SLCO3A1: variants seen among roughly 807,000 people sequenced by gnomAD.
SLCO3A1 encodes the protein solute carrier organic anion transporter family member 3A1.
Under a neutral mutation model 63.1 loss-of-function variants are expected in SLCO3A1, and 27 were observed. The observed-to-expected ratio is 0.43, with a 90% CI of 0.32 to 0.59. The LOEUF is 0.59. Ranked by LOEUF, SLCO3A1 falls within the 20% of genes least tolerant of loss-of-function variation. The pLI, the probability that SLCO3A1 is intolerant of heterozygous loss-of-function variation, is 0.09. For synonymous variants in SLCO3A1, 473 were observed against 409.9 expected (o/e 1.15, Z -1.86); for missense variants, 773 against 945.8 (o/e 0.82, Z 2.40).
intron 2 of SLCO3A1, among the ~76,000 whole-genome samples, chr15:92,040,231 G>A (rs187851709): frequency 6.6e-6 from 1 of 152,100 alleles, no homozygotes; most frequent in Admixed American, 6.5e-5. Context: ...AAAATAAAGG[G>A]CGCATGCAAT....
intron 1 of SLCO3A1, among the ~76,000 whole-genome samples, chr15:91,891,264 C>T (rs976236634): frequency 3.3e-5 from 5 of 152,144 alleles, no homozygotes; most frequent in African/African-American, 1.2e-4. Context: ...CAGAAAGAGC[C>T]CAGCTGTCAG....
At chr15:91,901,375 A>G (rs1567177325) in intron 1 of SLCO3A1, among the ~76,000 whole-genome samples, 1 of 152,224 alleles carries the variant, frequency 6.6e-6, no homozygotes, top group Non-Finnish European at 1.5e-5. Context: ...AGTTAAGAGA[A>G]GAAGAAAAAT....
Position 92,163,642 on chromosome 15 carries a change from G to GT in SLCO3A1, c.*508dup. On this transcript the variant is annotated 3_prime_UTR_variant, in exon 10 of 10. Coordinates refer to ENST00000318445, the MANE Select transcript of SLCO3A1 (RefSeq NM_013272.4). Reference sequence around the variant, plus strand: ...TGCCACCCTCTTCCTCCAGGTGGGGGTGGGGGCGGGCGCACAAGTCGGAGG... The same window carrying GT: ...TGCCACCCTCTTCCTCCAGGTGGGGGTTGGGGGCGGGCGCACAAGTCGGAGG... 2.0e-6 allele frequency: 2 copies of GT among 985,364 alleles called. No individual in the cohort carries two copies. The highest frequency in any genetic ancestry group is 9.4e-5 in the South Asian group (2 of 21,284). The allele number at this position is 985,364 out of a possible 1,614,324, so 61.0% of individuals were successfully genotyped here.
chr15:91,909,754 G>A (rs1043866359), intron 1 of SLCO3A1, among the ~76,000 whole-genome samples: 11 of 152,180 alleles, frequency 7.2e-5, no homozygotes, highest in Admixed American at 4.6e-4. Context: ...ACTGAGCCAG[G>A]TGAGACTCTC....
rs1475869442 is a variant in SLCO3A1 at position 91,897,164 on chromosome 15, A to G, written c.181-18829A>G. 6.6e-6 allele frequency among the ~76,000 whole-genome samples: 1 copy of G among 152,220 alleles called. No homozygotes were observed. The highest frequency in any genetic ancestry group is 2.4e-5 in the African/African-American group (1 of 41,454). ...TGTCTATACAATTGTTGCTTTTAAA[A>G]TAAAGACAGGCTGGATGCGGTGGTG... On this transcript the variant is annotated intron_variant, in intron 1 of 9. Transcript: ENST00000318445. This position sits in a 1 kb window ranked among gnomAD's most constrained non-coding sequence, Gnocchi z 4.7.
intron 2 of SLCO3A1, among the ~76,000 whole-genome samples, chr15:91,986,260 G>A (rs150911604): frequency 1.3e-5 from 2 of 152,198 alleles, no homozygotes; most frequent in Non-Finnish European, 2.9e-5. Flanking sequence ...AGGGGGTAAA[G>A]AGCCTCCCTG....
chr15:92,129,276 C>A (rs941170851), intron 7 of SLCO3A1, among the ~76,000 whole-genome samples: 1 of 152,186 alleles, frequency 6.6e-6, no homozygotes, highest in African/African-American at 2.4e-5. Flanking sequence ...ATGACCCTTT[C>A]TCATGCTACT....
intron 2 of SLCO3A1, among the ~76,000 whole-genome samples, chr15:91,922,124 A>G (rs1396507584): frequency 6.6e-6 from 1 of 152,190 alleles, no homozygotes; most frequent in African/African-American, 2.4e-5. Context: ...AGTTTTAAGA[A>G]TGCAGATTGG....
chr15:92,156,722 A>G (rs1391118739), intron 9 of SLCO3A1, among the ~76,000 whole-genome samples: 3 of 152,242 alleles, frequency 2.0e-5, no homozygotes, highest in African/African-American at 4.8e-5. Context: ...GGTGCTGGAC[A>G]TAACAGTAAT....
At chr15:92,113,287 G>T (rs916534679) in intron 4 of SLCO3A1, among the ~76,000 whole-genome samples, 4 of 152,014 alleles carry the variant, frequency 2.6e-5, no homozygotes, top group African/African-American at 9.7e-5. Flanking sequence ...CACTTGCTTC[G>T]TGCTTTAAAC....
intron 1 of SLCO3A1, chr15:91,889,197 T>C: frequency 7.8e-7 from 1 of 1,280,344 alleles, no homozygotes; most frequent in Non-Finnish European, 1.0e-6. Context: ...GCATGCTCCT[T>C]AGATGAATGT....
Position 92,125,623 on chromosome 15 carries a change from C to T in SLCO3A1, c.1175-438C>T, listed in dbSNP as rs568413322. On this transcript the variant is annotated intron_variant, in intron 5 of 9. Transcript: ENST00000318445. ...CCTCCCTTCTTGCCTCATTAGAAGA[C>T]GAGGAGAAAAATCCCTAAATGATCT... is the stretch of plus-strand genomic sequence containing the variant. Among the ~76,000 whole-genome samples, 6 of 152,080 alleles carry T rather than the reference C, an allele frequency of 3.9e-5. No individual in the cohort carries two copies. In the South Asian group the frequency reaches 8.3e-4, roughly 21 times the overall value.
chr15:91,989,009 T>C (rs1456101563), intron 2 of SLCO3A1, among the ~76,000 whole-genome samples: 2 of 152,204 alleles, frequency 1.3e-5, no homozygotes, highest in African/African-American at 4.8e-5. Context: ...TGTGTCTCCT[T>C]GTGGGGATAT....
intron 2 of SLCO3A1, among the ~76,000 whole-genome samples, chr15:92,039,382 AAAG>A (rs2046768475): frequency 1.3e-5 from 2 of 152,234 alleles, no homozygotes; most frequent in South Asian, 4.1e-4. Context: ...TACAAGAAAA[AAAG>A]AACCCATCAA....
chr15:91,992,395 T>C (rs1396302181), intron 2 of SLCO3A1, among the ~76,000 whole-genome samples: 1 of 152,348 alleles, frequency 6.6e-6, no homozygotes, highest in African/African-American at 2.4e-5. Flanking sequence ...TTATCAGCTC[T>C]GACCTCGTGA....
chr15:91,877,694 G>T (rs1298483897), intron 1 of SLCO3A1, among the ~76,000 whole-genome samples: 1 of 152,152 alleles, frequency 6.6e-6, no homozygotes, highest in Non-Finnish European at 1.5e-5. Flanking sequence ...GGTCCAGTCA[G>T]GTAAGGGAAG....
intron 2 of SLCO3A1, among the ~76,000 whole-genome samples, chr15:91,949,973 C>CTCCA (rs1269353617): frequency 6.6e-6 from 1 of 152,166 alleles, no homozygotes; most frequent in Non-Finnish European, 1.5e-5. Flanking sequence ...TGCTACTGCA[C>CTCCA]TCCAGCCTGA....
At chr15:92,096,216 A>C (rs905365292) in intron 3 of SLCO3A1, among the ~76,000 whole-genome samples, 1 of 152,146 alleles carries the variant, frequency 6.6e-6, no homozygotes, top group African/African-American at 2.4e-5. Context: ...ACAGGAGGGG[A>C]CTACCTCACC....
chr15:92,060,665 A>G (rs950263695), intron 2 of SLCO3A1, among the ~76,000 whole-genome samples: 4 of 151,952 alleles, frequency 2.6e-5, no homozygotes, highest in Non-Finnish European at 4.4e-5. Context: ...ATGCCTGGCT[A>G]ATTTTTTGTA....
Sources: gnomAD v4.1 joint callset for allele counts (sites outside exome capture counted in the v4.1 genomes callset) on GRCh38, gnomAD v4.1.1 for gene constraint, Gnocchi (gnomAD v3.1) non-coding constraint, MANE v1.5 for transcripts, NCBI Gene and HGNC (gene_info 2026-07-23, HGNC 2026-07-21) for gene names.